The following VWA3B variants were observed in gnomAD, a reference collection of about 807,000 sequenced individuals.
VWA3B encodes von Willebrand factor A domain containing 3B, also known as von Willebrand factor A domain-containing protein 3B.
A neutral mutation model predicts 158.3 loss-of-function variants in VWA3B; 138 were observed. That is an observed-to-expected ratio of 0.87 (90% confidence interval 0.76 to 1.00). The LOEUF is 1.00. VWA3B is among the 50% of genes least tolerant of loss of function. The pLI is 0.00. For missense variants in VWA3B, 1,555 were observed against 1,565.1 expected (o/e 0.99, Z 0.11); for synonymous variants, 596 against 587.3 (o/e 1.01, Z -0.21).
rs551819183 is a variant in VWA3B, at chr2:98,224,342, T to A, written c.2020-3860T>A. Among the ~76,000 whole-genome samples the A allele has an allele frequency of 3.1e-3, 476 of 152,288 alleles. 2 individuals are homozygous for A. Among genetic ancestry groups the A allele is most frequent in the African/African-American group, 0.011 (443 of 41,568 alleles). ...TTCTTCATGAGATTTACAAATCATATTTTTAATGATTGAAACAAAAGTTGT... is the reference window on the plus strand; with the variant it reads ...TTCTTCATGAGATTTACAAATCATAATTTTAATGATTGAAACAAAAGTTGT... On this transcript the variant is annotated intron_variant, in intron 14 of 27. Coordinates refer to ENST00000477737, the MANE Select transcript of VWA3B (RefSeq NM_144992.5).
At chr2:98,137,453 CAAAGTT>C (rs1299217206) in intron 7 of VWA3B, among the ~76,000 whole-genome samples, 2 of 151,902 alleles carry the variant, frequency 1.3e-5, no homozygotes, top group African/African-American at 4.8e-5. Flanking sequence ...TTTAAAAAGT[CAAAGTT>C]AATGCCACAA....
chr2:98,161,386 C>T (rs1011742428), intron 7 of VWA3B, among the ~76,000 whole-genome samples: 1 of 152,160 alleles, frequency 6.6e-6, no homozygotes, highest in African/African-American at 2.4e-5. Flanking sequence ...GTGGGGTGGG[C>T]CTTCTGGGCA....
chr2:98,127,738 T>C (rs779327312), intron 5 of VWA3B, among the ~76,000 whole-genome samples: 7 of 152,056 alleles, frequency 4.6e-5, no homozygotes, highest in Non-Finnish European at 5.9e-5. Flanking sequence ...TCACCCCAGC[T>C]CCGGGCGTGT....
chr2:98,178,739 A>G (rs1012856463), intron 8 of VWA3B, among the ~76,000 whole-genome samples: 3 of 152,146 alleles, frequency 2.0e-5, no homozygotes, highest in African/African-American at 7.2e-5. Context: ...CCACACTCCC[A>G]AACCAGTTAA....
At chr2:98,189,799 G>A (rs1681424832) in intron 10 of VWA3B, among the ~76,000 whole-genome samples, 1 of 152,002 alleles carries the variant, frequency 6.6e-6, no homozygotes, top group Non-Finnish European at 1.5e-5. Context: ...CAACTTTTTT[G>A]TAATTATGAA....
intron 19 of VWA3B, among the ~76,000 whole-genome samples, chr2:98,248,823 TTTTCTTTCTTTCTTTCTTTCTTTC>T (rs55742932): frequency 7.3e-6 from 1 of 137,690 alleles, no homozygotes; most frequent in Non-Finnish European, 1.6e-5. Context: ...TTCTCTTTCT[TTTTCTTTCTTTCTTTCTTTCTTTC>T]TTTCTTTCTT....
intron 26 of VWA3B, among the ~76,000 whole-genome samples, chr2:98,307,496 C>T (rs4851961): frequency 0.43 from 65,512 of 151,840 alleles, 14,561 homozygotes; most frequent in Non-Finnish European, 0.5. Flanking sequence ...TATGACCTAA[C>T]GCTTGCTTGG....
Position 98,156,788 on chromosome 2 carries a change from A to G in VWA3B, c.989-6063A>G, listed in dbSNP as rs571761914. On this transcript the variant is annotated intron_variant, in intron 7 of 27. Transcript: ENST00000477737. ...CCTTATAAATGGTATCACTTATCCT[A>G]AGTAGAATAGATTTATTCAGCTAAA... Among the ~76,000 whole-genome samples, 4 of 151,018 alleles carry G rather than the reference A, an allele frequency of 2.6e-5. No homozygotes were observed. In the South Asian group the frequency reaches 8.4e-4, roughly 32 times the overall value.
intron 1 of VWA3B, among the ~76,000 whole-genome samples, chr2:98,089,470 G>A (rs768544017): frequency 1.3e-5 from 2 of 150,422 alleles, no homozygotes; most frequent in East Asian, 2.0e-4. Context: ...TAGGAGAGCC[G>A]TCTGAGACCA....
intron 12 of VWA3B, among the ~76,000 whole-genome samples, chr2:98,195,564 C>T (rs1681972208): frequency 6.6e-6 from 1 of 152,012 alleles, no homozygotes; most frequent in South Asian, 2.1e-4. Context: ...AATGAAGTTA[C>T]TTGTGACATA....
At chr2:98,135,325 C>CTTTTTTTTTTTTT (rs397873615) in intron 7 of VWA3B, among the ~76,000 whole-genome samples, 1 of 96,392 alleles carries the variant, frequency 1.0e-5, no homozygotes, top group Non-Finnish European at 2.0e-5. Context: ...AAACATTTTT[C>CTTTTTTTTTTTTT]TTTTTTTTTT....
At chr2:98,097,731 C>CT (rs1321702988) in intron 2 of VWA3B, among the ~76,000 whole-genome samples, 2 of 152,034 alleles carry the variant, frequency 1.3e-5, no homozygotes, top group Non-Finnish European at 2.9e-5. Flanking sequence ...TATAAGCATT[C>CT]TTTTTTTCTT....
intron 16 of VWA3B, among the ~76,000 whole-genome samples, chr2:98,234,134 C>G (rs1685515449): frequency 6.6e-6 from 1 of 152,202 alleles, no homozygotes; most frequent in Non-Finnish European, 1.5e-5. Flanking sequence ...ACACGTCACT[C>G]TCATGACCAG....
chr2:98,315,185 A>G (rs1005787552), downstream of VWA3B, among the ~76,000 whole-genome samples: 1 of 152,204 alleles, frequency 6.6e-6, no homozygotes, highest in Admixed American at 6.5e-5. Flanking sequence ...ATCCTTGAAC[A>G]TGCACCTGGA....
intron 23 of VWA3B, among the ~76,000 whole-genome samples, chr2:98,296,945 A>G (rs953668143): frequency 2.6e-5 from 4 of 151,184 alleles, no homozygotes; most frequent in African/African-American, 9.7e-5. Flanking sequence ...GTGTATATAT[A>G]TTAGGCTGGT....
intron 12 of VWA3B, among the ~76,000 whole-genome samples, chr2:98,203,644 G>C (rs1481787099): frequency 6.6e-6 from 1 of 152,146 alleles, no homozygotes; most frequent in Non-Finnish European, 1.5e-5. Context: ...TCTTGTACCT[G>C]TTTAAGTATA....
chr2:98,179,826 CTT>C (rs1272684791), intron 8 of VWA3B, among the ~76,000 whole-genome samples: 3 of 85,288 alleles, frequency 3.5e-5, no homozygotes, highest in Admixed American at 1.5e-4. Flanking sequence ...TTCTTTCTTT[CTT>C]TTTCTTTCTT....
At chr2:98,282,402 T>A (rs941689313) in intron 22 of VWA3B, among the ~76,000 whole-genome samples, 1 of 151,972 alleles carries the variant, frequency 6.6e-6, no homozygotes, top group African/African-American at 2.4e-5. Context: ...GTAATAACAG[T>A]TGGAAACAAA....
chr2:98,206,374 A>G, intron 12 of VWA3B: 1 of 229,632 alleles, frequency 4.4e-6, no homozygotes, highest in Non-Finnish European at 9.0e-6. Context: ...ATCCAGTTTG[A>G]TGAGGGACTA....
Sources: allele counts gnomAD v4.1 joint callset (sites outside exome capture counted in the v4.1 genomes callset), GRCh38; gene constraint gnomAD v4.1.1; transcripts MANE v1.5; gene names NCBI Gene and HGNC (gene_info 2026-07-23, HGNC 2026-07-21).